DNM3: variants seen among roughly 807,000 people sequenced by gnomAD.
DNM3 encodes dynamin 3.
In DNM3, 47 loss-of-function variants were observed where a neutral mutation model predicts 101.6. The ratio of observed to expected loss-of-function variants is 0.46; its 90% CI spans 0.37 to 0.59. DNM3 has a LOEUF of 0.59. Among genes scored for constraint, DNM3 ranks in the 20% least tolerant of loss-of-function variants. The probability of loss-of-function intolerance (pLI) is 0.00; values close to 1 mark genes in which losing one functional copy is unlikely to be tolerated. For synonymous variants in DNM3, 385 were observed against 387.9 expected (o/e 0.99, Z 0.09); for missense variants, 849 against 1,085.7 (o/e 0.78, Z 3.06).
At chr1:171,996,095 A>C (rs2045977891) in intron 4 of DNM3, among the ~76,000 whole-genome samples, 1 of 152,144 alleles carries the variant, frequency 6.6e-6, no homozygotes, top group Non-Finnish European at 1.5e-5. Flanking sequence ...ATTTACATAT[A>C]TTTTATATTA....
intron 1 of DNM3, among the ~76,000 whole-genome samples, chr1:171,887,126 G>A (rs1263721337): frequency 6.6e-6 from 1 of 152,164 alleles, no homozygotes; most frequent in Non-Finnish European, 1.5e-5. Flanking sequence ...CCTATTTCCT[G>A]ATGGGGATCT....
chr1:171,918,603 A>G (rs1221257545), intron 1 of DNM3, among the ~76,000 whole-genome samples: 2 of 152,212 alleles, frequency 1.3e-5, no homozygotes, highest in South Asian at 2.1e-4. Context: ...GTAAAATTTG[A>G]TTATCAAAAT....
At chr1:172,235,753 C>A (rs28600859) in intron 14 of DNM3, among the ~76,000 whole-genome samples, 25,279 of 151,934 alleles carry the variant, frequency 0.17, 2,474 homozygotes, top group East Asian at 0.28. Context: ...GGACAAAAAA[C>A]CAAACACCGC....
intron 17 of DNM3, among the ~76,000 whole-genome samples, chr1:172,333,827 C>A (rs2066299267): frequency 6.6e-6 from 1 of 152,060 alleles, no homozygotes; most frequent in South Asian, 2.1e-4. Flanking sequence ...ATATTAAAGA[C>A]CAGCTTTGCA....
At position 171,987,761 on chromosome 1, in the gene DNM3, G is replaced by C. The variant is rs538785687; in HGVS notation, c.341G>C (p.Gly114Ala). Residue 114 changes from glycine (G) to alanine (A), a missense_variant, in exon 3 of 21, where the codon GGC (glycine) becomes GCC (alanine). Around this residue, in one of 5 missense-constraint regions of DNM3, gnomAD observed 388 missense variants for 483.0 expected, o/e 0.80. Transcript: ENST00000627582. ...GATCGCGTGACTGGAATGAATAAAG[G>C]CATTTCCTCCATACCCATTAATTTA... ...ETDRVTGMNKGISSIPINLRV... is the reference protein window; with the variant it reads ...ETDRVTGMNKAISSIPINLRV... 1 of 1,600,842 alleles carries C rather than the reference G, an allele frequency of 6.2e-7. No individual in the cohort carries two copies. The highest frequency in any genetic ancestry group is 1.3e-5 in the African/African-American group (1 of 74,464).
intron 4 of DNM3, among the ~76,000 whole-genome samples, chr1:172,014,676 AT>A: frequency 6.6e-6 from 1 of 152,058 alleles, no homozygotes; most frequent in Middle Eastern, 3.4e-3. Flanking sequence ...ATTTTTGTGT[AT>A]TTTGGATAAC....
intron 15 of DNM3, among the ~76,000 whole-genome samples, chr1:172,276,090 G>A (rs1478618903): frequency 6.6e-6 from 1 of 152,026 alleles, no homozygotes; most frequent in Non-Finnish European, 1.5e-5. Flanking sequence ...TTGTGAGTTA[G>A]CAAGCCTCCC....
chr1:172,095,412 C>A (rs78095508), intron 13 of DNM3, among the ~76,000 whole-genome samples: 2,542 of 152,158 alleles, frequency 0.017, 51 homozygotes, highest in East Asian at 0.092. Flanking sequence ...TATTATTTTC[C>A]AGAATCAAAT....
At chr1:172,229,093 C>T (rs567356692) in intron 14 of DNM3, among the ~76,000 whole-genome samples, 17 of 152,172 alleles carry the variant, frequency 1.1e-4, no homozygotes, top group Non-Finnish European at 1.6e-4. Flanking sequence ...AAGTATCCAA[C>T]GAGTTAGGCT....
chr1:172,242,736 C>T (rs1267380815), intron 14 of DNM3, among the ~76,000 whole-genome samples: 1 of 152,196 alleles, frequency 6.6e-6, no homozygotes, highest in East Asian at 1.9e-4. Flanking sequence ...AGCTCCTGTA[C>T]CTGGCCTGTT....
At chr1:171,989,232 T>A in intron 4 of DNM3, 84 bp downstream of exon 4, 1 of 1,242,384 alleles carries the variant, frequency 8.0e-7, no homozygotes, top group Non-Finnish European at 1.1e-6. Context: ...TTCTTAAGAT[T>A]TGGTTTCATT....
At chr1:171,904,833 G>T (rs893238040) in intron 1 of DNM3, among the ~76,000 whole-genome samples, 5 of 152,112 alleles carry the variant, frequency 3.3e-5, no homozygotes, top group African/African-American at 1.2e-4. Context: ...AGGGAGGGTG[G>T]CATGGAGGGT....
chr1:171,872,736 TG>T (rs1452310722), intron 1 of DNM3, among the ~76,000 whole-genome samples: 2 of 152,130 alleles, frequency 1.3e-5, no homozygotes, highest in African/African-American at 4.8e-5. Context: ...ATGTTTGCTC[TG>T]GAAGTTATAG....
At chr1:171,887,364 A>G (rs1406009191) in intron 1 of DNM3, among the ~76,000 whole-genome samples, 1 of 152,210 alleles carries the variant, frequency 6.6e-6, no homozygotes, top group African/African-American at 2.4e-5. Flanking sequence ...AAATACAGAC[A>G]ATATCTGTTC....
intron 11 of DNM3, among the ~76,000 whole-genome samples, chr1:172,074,723 C>G (rs1421135150): frequency 1.3e-5 from 2 of 152,102 alleles, no homozygotes; most frequent in Non-Finnish European, 1.5e-5. Flanking sequence ...TCATTGATGG[C>G]ATTTTGGTTG....
rs745651671 is a variant in DNM3 at position 172,304,222 on chromosome 1, A to AAAAAAAAAAC, written c.1770-4506_1770-4505insAAAAAAAAAC. Among the ~76,000 whole-genome samples, 117 of 128,988 alleles carry AAAAAAAAAAC rather than the reference A, an allele frequency of 9.1e-4. 6 individuals carry two copies. The highest frequency in any genetic ancestry group is 3.6e-3 in the African/African-American group (102 of 28,636). The allele number at this position is 128,988 out of a possible 152,430, so 84.6% of individuals were successfully genotyped here. On this transcript the variant is annotated intron_variant, in intron 15 of 20. Transcript: ENST00000627582. Reference sequence around the variant, plus strand: ...AAAGGAAAGCAAAAAAAAAAAAAAAACAGGAGTTGCAATCCTAGTCTCTGA... The same window carrying AAAAAAAAAAC: ...AAAGGAAAGCAAAAAAAAAAAAAAAAAAAAAAAAACCAGGAGTTGCAATCCTAGTCTCTGA...
chr1:171,950,475 G>A (rs1484354529), intron 2 of DNM3, among the ~76,000 whole-genome samples: 1 of 152,124 alleles, frequency 6.6e-6, no homozygotes, highest in East Asian at 1.9e-4. Flanking sequence ...AAAGTGTTCT[G>A]AGTGCATTTA....
intron 14 of DNM3, among the ~76,000 whole-genome samples, chr1:172,155,642 A>G (rs2058308620): frequency 1.3e-5 from 2 of 152,138 alleles, no homozygotes; most frequent in South Asian, 4.1e-4. Flanking sequence ...ACATCCAGTT[A>G]TGTCATTCTT....
chr1:172,176,749 T>C (rs1461947563), intron 14 of DNM3, among the ~76,000 whole-genome samples: 1 of 151,770 alleles, frequency 6.6e-6, no homozygotes, highest in African/African-American at 2.4e-5. Flanking sequence ...AGTGAAAAGG[T>C]AGGTTGAGAG....
Sources: gnomAD v4.1 joint callset for allele counts (sites outside exome capture counted in the v4.1 genomes callset) on GRCh38, gnomAD v4.1.1 for gene constraint, gnomAD v4.1.1 regional missense constraint, MANE v1.5 for transcripts, NCBI Gene and HGNC (gene_info 2026-07-23, HGNC 2026-07-21) for gene names.